TFAP2C: variants seen among roughly 807,000 people sequenced by gnomAD.
TFAP2C encodes the protein transcription factor AP-2 gamma, also known as activating enhancer-binding protein 2 gamma.
In TFAP2C, 9 loss-of-function variants were observed where a neutral mutation model predicts 42.9. The observed-to-expected ratio is 0.21, with a 90% confidence interval of 0.13 to 0.37. TFAP2C has a LOEUF of 0.37. Ranked by LOEUF, TFAP2C falls within the 10% of genes least tolerant of loss-of-function variation. The probability of loss-of-function intolerance (pLI) is 1.00; values close to 1 mark genes in which losing one functional copy is unlikely to be tolerated. For missense variants in TFAP2C, 462 were observed against 591.7 expected (o/e 0.78, Z 2.27); for synonymous variants, 264 against 256.0 (o/e 1.03, Z -0.30).
At chr20:56,637,592 A>G in intron 6 of TFAP2C, 136 bp from the exon 7 acceptor site, 2 of 700,594 alleles carry the variant, frequency 2.9e-6, no homozygotes, top group South Asian at 3.7e-5. Context: ...GTTGGCTATT[A>G]GTATTAAATT....
In TFAP2C at chr20:56,629,434, G is replaced by A. The variant is rs1051764337; in HGVS notation, c.-111G>A. The A allele has an allele frequency of 2.9e-5, 29 of 998,512 alleles. No homozygotes were observed. In the African/African-American group the frequency reaches 4.5e-4, roughly 16 times the overall value. The allele number at this position is 998,512 out of a possible 1,614,324, so 61.9% of individuals were successfully genotyped here. A position where few individuals can be genotyped will look rare whatever the true frequency, so the allele number is the denominator to read the frequency against. ...CCGGACAGCAAGGCCCGCGCGCGGCGGGGGCGGCGGCAGACGCCTGGTCAC... is the reference window on the plus strand; with the variant it reads ...CCGGACAGCAAGGCCCGCGCGCGGCAGGGGCGGCGGCAGACGCCTGGTCAC... On this transcript the variant is annotated 5_prime_UTR_variant, in exon 1 of 7. Coordinates refer to ENST00000201031, the MANE Select transcript of TFAP2C (RefSeq NM_003222.4). This position sits in a 1 kb window ranked among gnomAD's most constrained non-coding sequence, Gnocchi z 5.9.
intron 5 of TFAP2C, among the ~76,000 whole-genome samples, chr20:56,634,694 C>T (rs1240175326): frequency 6.6e-6 from 1 of 152,160 alleles, no homozygotes; most frequent in Non-Finnish European, 1.5e-5. Context: ...TATTTTGTAG[C>T]TGGGGATTGT....
At chr20:56,633,718 A>G (rs1600898238) in intron 4 of TFAP2C, 149 bp downstream of exon 4, 12 of 667,420 alleles carry the variant, frequency 1.8e-5, no homozygotes, top group East Asian at 1.1e-4. Flanking sequence ...CTTCTCCTTT[A>G]GAAAGTGCCA....
rs150187185 is a variant in TFAP2C, at chr20:56,636,739, T to A, written c.1052T>A (p.Met351Lys). ...AATGAGATGGCAGCTAGGAAGAACATGCTATTGGCGGCCCAGTAAGTATCT... is the reference window on the plus strand; with the variant it reads ...AATGAGATGGCAGCTAGGAAGAACAAGCTATTGGCGGCCCAGTAAGTATCT... ...GRNEMAARKN[M>K]LLAAQQLCKE... Residue 351 changes from methionine to lysine, a missense_variant, in exon 6 of 7, where the codon ATG (methionine) becomes AAG (lysine). Coordinates refer to ENST00000201031, the MANE Select transcript of TFAP2C (RefSeq NM_003222.4). 1.2e-6 allele frequency: 2 copies of A among 1,613,416 alleles called. No homozygotes were observed. Among genetic ancestry groups the A allele is most frequent in the East Asian group, 2.2e-5 (1 of 44,876 alleles).
rs1987499834 is a variant in TFAP2C at position 56,631,837 on chromosome 20, TCAGA to T, written c.571_574del (p.Thr191SerfsTer9). 2 of 1,614,060 alleles carry T rather than the reference TCAGA, an allele frequency of 1.2e-6. No homozygotes were observed. Among genetic ancestry groups the T allele is most frequent in the East Asian group, 2.2e-5 (1 of 44,900 alleles). ...ACGACCAGCACCTGTTGCTGCACGA[TCAGA>T]CAGTCATTCGCAAAGGTAAATAGCA... On this transcript the variant is annotated frameshift_variant, in exon 3 of 7. Transcript: ENST00000201031. LOFTEE classifies it high-confidence loss of function. This position sits in a 1 kb window ranked among gnomAD's most constrained non-coding sequence, Gnocchi z 6.1.
At chr20:56,632,998 C>A (rs1449352405) in intron 3 of TFAP2C, among the ~76,000 whole-genome samples, 1 of 152,090 alleles carries the variant, frequency 6.6e-6, no homozygotes, top group Non-Finnish European at 1.5e-5. Context: ...CCAAGGTGGG[C>A]AGATCACTTG....
chr20:56,633,780 A>G (rs987306303), intron 4 of TFAP2C, among the ~76,000 whole-genome samples: 3 of 152,216 alleles, frequency 2.0e-5, no homozygotes, highest in African/African-American at 7.2e-5. Context: ...CTTGGTTAGA[A>G]TTTGATCCCA....
chr20:56,635,988 T>C (rs1191396889), intron 5 of TFAP2C, among the ~76,000 whole-genome samples: 2 of 152,086 alleles, frequency 1.3e-5, no homozygotes, highest in Non-Finnish European at 2.9e-5. Flanking sequence ...ATTCATTATT[T>C]CCCCCCCGAA....
chr20:56,630,590 G>A lies in TFAP2C; in HGVS notation c.49-615G>A. The A allele has an allele frequency of 1.4e-6, 1 of 710,882 alleles. No individual in the cohort carries two copies. Among genetic ancestry groups the A allele is most frequent in the Non-Finnish European group, 1.7e-6 (1 of 578,870 alleles). The allele number at this position is 710,882 out of a possible 1,614,324, so 44.0% of individuals were successfully genotyped here. On this transcript the variant is annotated intron_variant, in intron 1 of 6. Coordinates refer to ENST00000201031, the MANE Select transcript of TFAP2C (RefSeq NM_003222.4). This position sits in a 1 kb window ranked among gnomAD's most constrained non-coding sequence, Gnocchi z 5.1. ...CGGCTGGGCCCGGCCAGCAGGGAGG[G>A]CCGCCCTGTGCGCGCGCTCCCTCTT...
At position 56,629,315 on chromosome 20, in the gene TFAP2C, T is replaced by C. The variant is rs1987436860; in HGVS notation, c.-230T>C. On this transcript the variant is annotated 5_prime_UTR_variant, in exon 1 of 7. Coordinates refer to ENST00000201031, the MANE Select transcript of TFAP2C (RefSeq NM_003222.4). The surrounding 1 kb of genome is among the most constrained non-coding windows in gnomAD (Gnocchi z 5.9). ...TCCCCCGGCTATCGCCAGGACACAC[T>C]GTTCGGGCGCGGCTTTCCCCGTCCG... 7.6e-6 allele frequency: 3 copies of C among 395,094 alleles called. No individual in the cohort carries two copies. The highest frequency in any genetic ancestry group is 2.1e-5 in the African/African-American group (1 of 48,518). The allele number at this position is 395,094 out of a possible 1,614,324, so 24.5% of individuals were successfully genotyped here.
intron 5 of TFAP2C, among the ~76,000 whole-genome samples, chr20:56,634,581 G>GT (rs1053346908): frequency 1.3e-5 from 2 of 152,256 alleles, no homozygotes; most frequent in Middle Eastern, 3.4e-3. Context: ...AAATGAACCA[G>GT]TTTTTTTGGA....
intron 5 of TFAP2C, among the ~76,000 whole-genome samples, chr20:56,636,329 A>G (rs1987581894): frequency 6.6e-6 from 1 of 152,190 alleles, no homozygotes; most frequent in Admixed American, 6.5e-5. Context: ...GGAGCTCAAG[A>G]CCAGCTGGCC....
chr20:56,633,386 TCCC>T lies in TFAP2C; in HGVS notation c.622_624del (p.Pro208del). 6.2e-7 allele frequency: 1 copy of T among 1,613,958 alleles called. No individual in the cohort carries two copies. The highest frequency in any genetic ancestry group is 8.5e-7 in the Non-Finnish European group (1 of 1,180,010). ...TCCATGACCAAGAACCCTCTGAACCTCCCCTGTCAGAAGGAGCTGGTGGGGGCC... is the reference window on the plus strand; with the variant it reads ...TCCATGACCAAGAACCCTCTGAACCTCTGTCAGAAGGAGCTGGTGGGGGCC... On this transcript the variant is annotated inframe_deletion, in exon 4 of 7. Transcript: ENST00000201031.
chr20:56,631,071 G>T lies in TFAP2C; in HGVS notation c.49-134G>T. On this transcript the variant is annotated intron_variant, in intron 1 of 6. Transcript: ENST00000201031. The surrounding 1 kb of genome is among the most constrained non-coding windows in gnomAD (Gnocchi z 6.1). ...GGCGCATTGCCCCCGGGTACCTTCC[G>T]ACCCTGGGCAAGCCCCGCCGGGCGG... 1 of 1,433,290 alleles carries T rather than the reference G, an allele frequency of 7.0e-7. No homozygotes were observed. The highest frequency in any genetic ancestry group is 1.6e-5 in the South Asian group (1 of 64,078). 88.8% of individuals were successfully genotyped at this position (1,433,290 alleles called of 1,614,324 possible).
At position 56,631,783 on chromosome 20, in the gene TFAP2C, A is replaced by G. The variant is rs780098042; in HGVS notation, c.535-22A>G. 1 of 1,613,992 alleles carries G rather than the reference A, an allele frequency of 6.2e-7. No homozygotes were observed. The highest frequency in any genetic ancestry group is 8.5e-7 in the Non-Finnish European group (1 of 1,179,980). On this transcript the variant is annotated intron_variant, in intron 2 of 6. Coordinates refer to ENST00000201031, the MANE Select transcript of TFAP2C (RefSeq NM_003222.4). The surrounding 1 kb of genome is among the most constrained non-coding windows in gnomAD (Gnocchi z 6.1). ...CTCTAGGCTCCCCCGAACTTAAGGG[A>G]ATTTTGTCCTCTCTCCCCCAGAATG...
chr20:56,632,848 G>C (rs1987517048), intron 3 of TFAP2C, among the ~76,000 whole-genome samples: 1 of 151,762 alleles, frequency 6.6e-6, no homozygotes. Context: ...TCCAAGCTTT[G>C]GATCTTCACT....
chr20:56,632,145 G>A (rs1987505427), intron 3 of TFAP2C, among the ~76,000 whole-genome samples: 1 of 152,228 alleles, frequency 6.6e-6, no homozygotes. Flanking sequence ...CTTCCAGAGC[G>A]AGTGAACACT....
chr20:56,636,844 C>A, intron 6 of TFAP2C, 90 bp downstream of exon 6: 2 of 1,420,028 alleles, frequency 1.4e-6, no homozygotes, highest in South Asian at 1.5e-5. Context: ...GATGGCTCAA[C>A]AAAGAAATAT....
At chr20:56,636,569 G>A in intron 5 of TFAP2C, 41 bp from the exon 6 acceptor site, 3 of 1,569,936 alleles carry the variant, frequency 1.9e-6, no homozygotes, top group Non-Finnish European at 1.7e-6. Flanking sequence ...TTTGGCCTCA[G>A]TGACCACAGC....
Sources: allele counts gnomAD v4.1 joint callset (sites outside exome capture counted in the v4.1 genomes callset), GRCh38; gene constraint gnomAD v4.1.1; non-coding constraint Gnocchi (gnomAD v3.1); transcripts MANE v1.5; gene names NCBI Gene and HGNC (gene_info 2026-07-23, HGNC 2026-07-21).